FAM237B: variants seen among roughly 807,000 people sequenced by gnomAD.
FAM237B encodes family with sequence similarity 237 member B.
In FAM237B at chr7:90,318,480, C is replaced by A. The variant is rs530922816; in HGVS notation, c.*849G>T. The stretch of plus-strand genomic sequence containing the variant: ...GTAATGAAATGTACATTTCAGAAAC[C>A]ACAAAATATACTACATTAAATATTA... On this transcript the variant is annotated 3_prime_UTR_variant, in exon 3 of 3. Coordinates refer to ENST00000692316, the MANE Select transcript of FAM237B (RefSeq NM_001384237.2). 2 of 151,974 alleles carry A rather than the reference C, an allele frequency of 1.3e-5. No individual in the cohort carries two copies. Among genetic ancestry groups the A allele is most frequent in the South Asian group, 4.2e-4 (2 of 4,812 alleles). The allele number at this position is 151,974 out of a possible 1,614,324, so 9.4% of individuals were successfully genotyped here.
Position 90,317,960 on chromosome 7 carries a change from T to G in FAM237B, c.*1369A>C, listed in dbSNP as rs956472458. On this transcript the variant is annotated 3_prime_UTR_variant, in exon 3 of 3. Coordinates refer to ENST00000692316, the MANE Select transcript of FAM237B (RefSeq NM_001384237.2). The stretch of plus-strand genomic sequence containing the variant: ...TGAGATTTTCATTGATTCTTTGTCC[T>G]GGAAAAGGCTGGACCTCTGTTGAAC... 1 of 152,192 alleles carries G rather than the reference T, an allele frequency of 6.6e-6. No individual in the cohort carries two copies. Among genetic ancestry groups the G allele is most frequent in the Non-Finnish European group, 1.5e-5 (1 of 68,002 alleles). 9.4% of individuals were successfully genotyped at this position (152,192 alleles called of 1,614,324 possible). A position where few individuals can be genotyped will look rare whatever the true frequency, so the allele number is the denominator to read the frequency against.
At position 90,317,468 on chromosome 7, in the gene FAM237B, G is replaced by A. The variant is rs765838518; in HGVS notation, c.*1861C>T. 2 of 142,654 alleles carry A rather than the reference G, an allele frequency of 1.4e-5. No homozygotes were observed. The highest frequency in any genetic ancestry group is 5.0e-5 in the African/African-American group (2 of 40,158). 8.8% of individuals were successfully genotyped at this position (142,654 alleles called of 1,614,324 possible). A position where few individuals can be genotyped will look rare whatever the true frequency, so the allele number is the denominator to read the frequency against. Reference sequence around the variant, plus strand: ...GAGCTTAGGGATCCACCCTTAATTGGCAAGATAAGAAGTTTTCAATCTAGG... The same window carrying A: ...GAGCTTAGGGATCCACCCTTAATTGACAAGATAAGAAGTTTTCAATCTAGG... On this transcript the variant is annotated 3_prime_UTR_variant, in exon 3 of 3. Coordinates refer to ENST00000692316, the MANE Select transcript of FAM237B (RefSeq NM_001384237.2).
chr7:90,319,802 T>C lies in FAM237B; in HGVS notation c.-3-51A>G, dbSNP rs1039091924. ...GATATATTTAACTTAAAAAAGTTAT[T>C]CAATCACTTGATCTAAAAAACTGTA... On this transcript the variant is annotated intron_variant, in intron 2 of 2. Coordinates refer to ENST00000692316, the MANE Select transcript of FAM237B (RefSeq NM_001384237.2). The C allele has an allele frequency of 1.3e-5, 5 of 398,084 alleles. No homozygotes were observed. The South Asian group carries it at 6.7e-4, about 53-fold the overall frequency. 24.7% of individuals were successfully genotyped at this position (398,084 alleles called of 1,614,324 possible).
intron 1 of FAM237B, 79 bp from the exon 2 acceptor site, chr7:90,320,806 C>T (rs1434159264): frequency 6.6e-6 from 1 of 152,212 alleles, no homozygotes; most frequent in Admixed American, 6.5e-5. Context: ...GTGCAAATTC[C>T]CCAGACTGAG....
rs80034943 is a variant in FAM237B at position 90,319,609 on chromosome 7, T to G, written c.140A>C (p.Gln47Pro). 6.6e-4 allele frequency: 264 copies of G among 398,630 alleles called. No individual in the cohort carries two copies. The highest frequency in any genetic ancestry group is 4.8e-3 in the African/African-American group (235 of 48,758). The allele number at this position is 398,630 out of a possible 1,614,324, so 24.7% of individuals were successfully genotyped here. ...SPGITKDIDLQCWKACSLTLI... is the reference protein window; with the variant it reads ...SPGITKDIDLPCWKACSLTLI... ...TGTCAAAGAGCAAGCTTTCCAGCAC[T>G]GGAGATCAATGTCTTTGGTGATTCC... is the stretch of plus-strand genomic sequence containing the variant. The change falls in exon 3 of 3, where the codon CAG becomes CCG. Residue 47 changes from glutamine (Q) to proline (P), a missense_variant. Gln to Pro is a moderately conservative substitution (Grantham distance 76). Coordinates refer to ENST00000692316, the MANE Select transcript of FAM237B (RefSeq NM_001384237.2).
At position 90,319,032 on chromosome 7, in the gene FAM237B, A is replaced by C. The variant is rs1350723571; in HGVS notation, c.*297T>G. On this transcript the variant is annotated 3_prime_UTR_variant, in exon 3 of 3. Coordinates refer to ENST00000692316, the MANE Select transcript of FAM237B (RefSeq NM_001384237.2). Reference sequence around the variant, plus strand: ...GCCTAAATACATGTCTGATGTTTAAAATTTCTTCAACAAATGTAATATGAA... The same window carrying C: ...GCCTAAATACATGTCTGATGTTTAACATTTCTTCAACAAATGTAATATGAA... 4.9e-6 allele frequency: 1 copy of C among 203,668 alleles called. No individual in the cohort carries two copies. The highest frequency in any genetic ancestry group is 5.9e-5 in the Admixed American group (1 of 16,960). 12.6% of individuals were successfully genotyped at this position (203,668 alleles called of 1,614,324 possible). A position where few individuals can be genotyped will look rare whatever the true frequency, so the allele number is the denominator to read the frequency against.
rs1158385604 is a variant in FAM237B at position 90,320,689 on chromosome 7, C to G, written c.-12G>C. Reference sequence around the variant, plus strand: ...CAGAACACAGGACTCACCTTTCCCCCCGTACACAGCCGTCTGCCACCTCCC... The same window carrying G: ...CAGAACACAGGACTCACCTTTCCCCGCGTACACAGCCGTCTGCCACCTCCC... On this transcript the variant is annotated 5_prime_UTR_variant, in exon 2 of 3. Transcript: ENST00000692316. 1.3e-5 allele frequency: 2 copies of G among 152,330 alleles called. No individual in the cohort carries two copies. Among genetic ancestry groups the G allele is most frequent in the African/African-American group, 4.8e-5 (2 of 41,470 alleles). 9.4% of individuals were successfully genotyped at this position (152,330 alleles called of 1,614,324 possible).
rs1228082507 is a variant in FAM237B, at chr7:90,321,138, A to C, written c.-267T>G. The C allele has an allele frequency of 1.3e-5, 2 of 152,272 alleles. No homozygotes were observed. Among genetic ancestry groups the C allele is most frequent in the African/African-American group, 4.8e-5 (2 of 41,462 alleles). 9.4% of individuals were successfully genotyped at this position (152,272 alleles called of 1,614,324 possible). The stretch of plus-strand genomic sequence containing the variant: ...CTTCCCGAGGCAGGCGAACTGGGCG[A>C]GGCAGCGCTGTGTCACCCACCCCGA... On this transcript the variant is annotated 5_prime_UTR_variant, in exon 1 of 3. Coordinates refer to ENST00000692316, the MANE Select transcript of FAM237B (RefSeq NM_001384237.2).
chr7:90,320,310 C>T (rs1432772456), intron 2 of FAM237B: 1 of 152,164 alleles, frequency 6.6e-6, no homozygotes, highest in Non-Finnish European at 1.5e-5. Context: ...TTGAAAAATA[C>T]TTGTTACGCA....
chr7:90,320,045 T>A (rs972518417), intron 2 of FAM237B, among the ~76,000 whole-genome samples: 1 of 152,234 alleles, frequency 6.6e-6, no homozygotes, highest in African/African-American at 2.4e-5. Flanking sequence ...AAAGAGCTTA[T>A]GCTCCAACCT....
chr7:90,319,267 T>C lies in FAM237B; in HGVS notation c.*62A>G, dbSNP rs1287050057. On this transcript the variant is annotated 3_prime_UTR_variant, in exon 3 of 3. Coordinates refer to ENST00000692316, the MANE Select transcript of FAM237B (RefSeq NM_001384237.2). ...ACTAAATATGGTAAATTTGCTACCT[T>C]GTTGGATAACTTGAAAAAAATCAGA... 2.5e-6 allele frequency: 1 copy of C among 397,986 alleles called. No individual in the cohort carries two copies. Among genetic ancestry groups the C allele is most frequent in the Non-Finnish European group, 4.4e-6 (1 of 225,850 alleles). 24.7% of individuals were successfully genotyped at this position (397,986 alleles called of 1,614,324 possible).
chr7:90,319,829 G>C (rs1054642590), intron 2 of FAM237B, 78 bp from the exon 3 acceptor site: 1 of 397,526 alleles, frequency 2.5e-6, no homozygotes, highest in African/African-American at 2.1e-5. Context: ...AAAACTGTAA[G>C]TACACATATA....
In FAM237B at chr7:90,317,888, T is replaced by G. The variant is rs2117576018; in HGVS notation, c.*1441A>C. 6.6e-6 allele frequency: 1 copy of G among 152,308 alleles called. No individual in the cohort carries two copies. The highest frequency in any genetic ancestry group is 3.4e-3 in the Middle Eastern group (1 of 294). 9.4% of individuals were successfully genotyped at this position (152,308 alleles called of 1,614,324 possible). A position where few individuals can be genotyped will look rare whatever the true frequency, so the allele number is the denominator to read the frequency against. ...GAGAATCTGTCATTGTAAGGATACT[T>G]GAAACCAGTGTTGTAAACCATGGTA... On this transcript the variant is annotated 3_prime_UTR_variant, in exon 3 of 3. Transcript: ENST00000692316.
intron 2 of FAM237B, chr7:90,320,328 C>T (rs1025434217): frequency 6.6e-6 from 1 of 152,138 alleles, no homozygotes; most frequent in Non-Finnish European, 1.5e-5. Flanking sequence ...GCACTAATAT[C>T]CGGTGTATTC....
rs560699862 is a variant in FAM237B, at chr7:90,317,691, C to T, written c.*1638G>A. 1.3e-5 allele frequency: 2 copies of T among 152,170 alleles called. No homozygotes were observed. Among genetic ancestry groups the T allele is most frequent in the East Asian group, 3.9e-4 (2 of 5,186 alleles). 9.4% of individuals were successfully genotyped at this position (152,170 alleles called of 1,614,324 possible). ...AACCCCTAATAAATGGTCTATACAT[C>T]ATCAGAATTTGAAAGTGGTCAATAA... On this transcript the variant is annotated 3_prime_UTR_variant, in exon 3 of 3. Transcript: ENST00000692316.
At position 90,321,297 on chromosome 7, in the gene FAM237B, C is replaced by T. The variant is rs1795292419; in HGVS notation, c.-426G>A. 2 of 152,304 alleles carry T rather than the reference C, an allele frequency of 1.3e-5. No homozygotes were observed. Among genetic ancestry groups the T allele is most frequent in the South Asian group, 2.1e-4 (1 of 4,830 alleles). 9.4% of individuals were successfully genotyped at this position (152,304 alleles called of 1,614,324 possible). On this transcript the variant is annotated 5_prime_UTR_variant, in exon 1 of 3. Transcript: ENST00000692316. ...TTCTGCTGCGGCCACGCGGGGTTCC[C>T]GAGACAGACCCGCCGCTGGGACCGC... is the stretch of plus-strand genomic sequence containing the variant.
intron 2 of FAM237B, 72 bp downstream of exon 2, chr7:90,320,609 T>C (rs1264368984): frequency 6.6e-6 from 1 of 152,176 alleles, no homozygotes; most frequent in Admixed American, 6.5e-5. Context: ...GTTGGAAATG[T>C]CCCTTTTACA....
At position 90,318,195 on chromosome 7, in the gene FAM237B, C is replaced by G. The variant is rs573026286; in HGVS notation, c.*1134G>C. On this transcript the variant is annotated 3_prime_UTR_variant, in exon 3 of 3. Transcript: ENST00000692316. The stretch of plus-strand genomic sequence containing the variant: ...CATGTCCCAATGTTCCAATTTCCTC[C>G]ACTACTTCATGTTTTCCTTTTCTTC... The G allele has an allele frequency of 9.8e-5, 15 of 152,312 alleles. No homozygotes were observed. The highest frequency in any genetic ancestry group is 3.6e-4 in the African/African-American group (15 of 41,580). 9.4% of individuals were successfully genotyped at this position (152,312 alleles called of 1,614,324 possible).
Position 90,319,468 on chromosome 7 carries a change from G to A in FAM237B, c.281C>T (p.Ala94Val). The A allele has an allele frequency of 2.5e-6, 1 of 398,560 alleles. No homozygotes were observed. Among genetic ancestry groups the A allele is most frequent in the East Asian group, 3.6e-5 (1 of 28,076 alleles). The allele number at this position is 398,560 out of a possible 1,614,324, so 24.7% of individuals were successfully genotyped here. A position where few individuals can be genotyped will look rare whatever the true frequency, so the allele number is the denominator to read the frequency against. Residue 94 changes from alanine to valine, a missense_variant, in exon 3 of 3, where the codon GCT (alanine) becomes GTT (valine). Coordinates refer to ENST00000692316, the MANE Select transcript of FAM237B (RefSeq NM_001384237.2). The part of the protein sequence containing the change: ...PGHYNVFLNI[A>V]QDFWDMYVDC... ...TACATACATGTCCCAGAAATCCTGA[G>A]CTATGTTTAAGAAGACATTATAATG...
Sources: gnomAD v4.1 joint callset for allele counts (sites outside exome capture counted in the v4.1 genomes callset) on GRCh38, gnomAD v4.1.1 for gene constraint, MANE v1.5 for transcripts, NCBI Gene and HGNC (gene_info 2026-07-23, HGNC 2026-07-21) for gene names.